Variants in KCNQ5 observed in about 807,000 individuals in gnomAD.
The protein encoded by KCNQ5 is potassium voltage-gated channel subfamily Q member 5.
KCNQ5 carries 30 observed loss-of-function variants against 98.2 expected under a neutral mutation model. The observed-to-expected ratio is 0.31, with a 90% CI of 0.23 to 0.41. KCNQ5 has a LOEUF of 0.41. Ranked by LOEUF, KCNQ5 falls within the 10% of genes least tolerant of loss-of-function variation. The pLI is 1.00. For missense variants in KCNQ5, 835 were observed against 1,182.5 expected (o/e 0.71, Z 4.31); for synonymous variants, 458 against 449.4 (o/e 1.02, Z -0.24).
chr6:72,793,218 T>A, intron 1 of KCNQ5, among the ~76,000 whole-genome samples: 1 of 152,246 alleles, frequency 6.6e-6, no homozygotes. Context: ...TTGCACAATC[T>A]TAATACTCAC....
At chr6:72,696,612 A>G (rs1471495089) in intron 1 of KCNQ5, among the ~76,000 whole-genome samples, 3 of 148,442 alleles carry the variant, frequency 2.0e-5, no homozygotes, top group Admixed American at 6.6e-5. Context: ...AGTGGGCCAC[A>G]ATCAAAGAAC....
chr6:72,874,243 T>C (rs1437461201), intron 1 of KCNQ5, among the ~76,000 whole-genome samples: 1 of 152,068 alleles, frequency 6.6e-6, no homozygotes, highest in Non-Finnish European at 1.5e-5. Flanking sequence ...AAATACATTA[T>C]GAATAATTTT....
intron 1 of KCNQ5, among the ~76,000 whole-genome samples, chr6:72,718,576 G>T: frequency 6.8e-6 from 1 of 146,268 alleles, no homozygotes; most frequent in African/African-American, 2.5e-5. Flanking sequence ...TCAGCCTCCC[G>T]AGTAGCTGGG....
chr6:72,817,481 C>T (rs961653608), intron 1 of KCNQ5, among the ~76,000 whole-genome samples: 2 of 152,170 alleles, frequency 1.3e-5, no homozygotes, highest in Non-Finnish European at 1.5e-5. Context: ...AATACTACTT[C>T]AGAAAAATGT....
At chr6:72,979,823 T>G (rs1307661133) in intron 1 of KCNQ5, among the ~76,000 whole-genome samples, 1 of 152,238 alleles carries the variant, frequency 6.6e-6, no homozygotes, top group Admixed American at 6.5e-5. Context: ...AACATTTAAG[T>G]CTTTGATCCA....
intron 3 of KCNQ5, among the ~76,000 whole-genome samples, chr6:73,054,835 C>A (rs976110404): frequency 6.6e-6 from 1 of 152,140 alleles, no homozygotes; most frequent in South Asian, 2.1e-4. Context: ...TACTGGAAGT[C>A]CTGGCCAGAG....
Position 72,849,802 on chromosome 6 carries a change from C to T in KCNQ5, c.399-154106C>T, listed in dbSNP as rs575050175. The stretch of plus-strand genomic sequence containing the variant: ...TGATCCTGTCAGGTCTTGATCCTAT[C>T]GGGTCTTGACTCTCTACTCATGAAT... On this transcript the variant is annotated intron_variant, in intron 1 of 13. Transcript: ENST00000370398. Among the ~76,000 whole-genome samples the T allele has an allele frequency of 3.9e-5, 6 of 152,214 alleles. No homozygotes were observed. In the Middle Eastern group the frequency reaches 0.01, roughly 259 times the overall value.
At chr6:72,777,796 T>G (rs137937815) in intron 1 of KCNQ5, among the ~76,000 whole-genome samples, 1 of 152,280 alleles carries the variant, frequency 6.6e-6, no homozygotes, top group African/African-American at 2.4e-5. Flanking sequence ...GTATACCCCA[T>G]AGAGGCCATC....
intron 1 of KCNQ5, among the ~76,000 whole-genome samples, chr6:72,727,803 G>C (rs528502110): frequency 1.3e-5 from 2 of 152,258 alleles, no homozygotes; most frequent in Admixed American, 1.3e-4. Flanking sequence ...TCAGTTGCAG[G>C]TTGGGTCTAG....
chr6:72,865,539 G>A (rs574083056), intron 1 of KCNQ5, among the ~76,000 whole-genome samples: 1 of 152,190 alleles, frequency 6.6e-6, no homozygotes, highest in African/African-American at 2.4e-5. Flanking sequence ...CTAATCCCTA[G>A]GATGAGCTCT....
intron 10 of KCNQ5, among the ~76,000 whole-genome samples, chr6:73,148,018 A>G (rs922809710): frequency 3.3e-5 from 5 of 152,136 alleles, no homozygotes; most frequent in African/African-American, 1.2e-4. Context: ...GATAGTATAT[A>G]TAACATATGC....
intron 1 of KCNQ5, among the ~76,000 whole-genome samples, chr6:72,956,027 G>A (rs1767027354): frequency 6.6e-6 from 1 of 152,144 alleles, no homozygotes; most frequent in African/African-American, 2.4e-5. Flanking sequence ...TGATATCACT[G>A]TTTAACAGAA....
intron 1 of KCNQ5, among the ~76,000 whole-genome samples, chr6:72,679,661 C>T (rs113414626): frequency 0.039 from 5,975 of 151,872 alleles, 133 homozygotes; most frequent in Middle Eastern, 0.13. Context: ...CAGCATGGCA[C>T]ATGTATACAC....
At chr6:72,848,231 A>G (rs1176845654) in intron 1 of KCNQ5, among the ~76,000 whole-genome samples, 1 of 151,966 alleles carries the variant, frequency 6.6e-6, no homozygotes, top group African/African-American at 2.4e-5. Flanking sequence ...ATACATGGGC[A>G]GAACATGCAG....
chr6:72,863,968 T>C (rs1581921115), intron 1 of KCNQ5, among the ~76,000 whole-genome samples: 1 of 152,204 alleles, frequency 6.6e-6, no homozygotes, highest in Non-Finnish European at 1.5e-5. Flanking sequence ...GCAGAGGCAG[T>C]TTGTACCTCA....
chr6:73,152,334 T>C (rs1253015670), intron 10 of KCNQ5, among the ~76,000 whole-genome samples: 4 of 152,150 alleles, frequency 2.6e-5, no homozygotes, highest in Admixed American at 2.6e-4. Context: ...TTCTTATCCT[T>C]CCTCTTTCAT....
intron 2 of KCNQ5, among the ~76,000 whole-genome samples, chr6:73,011,306 C>G (rs1168204943): frequency 6.6e-6 from 1 of 151,682 alleles, no homozygotes; most frequent in Non-Finnish European, 1.5e-5. Flanking sequence ...ACATTTAGAC[C>G]CATGGAATAG....
intron 1 of KCNQ5, among the ~76,000 whole-genome samples, chr6:72,868,651 G>A (rs1220591923): frequency 6.6e-6 from 1 of 152,200 alleles, no homozygotes; most frequent in Non-Finnish European, 1.5e-5. Context: ...AGGCAAAGGT[G>A]ACAGTCAGGT....
chr6:72,746,412 CTT>C (rs1771411126), intron 1 of KCNQ5, among the ~76,000 whole-genome samples: 1 of 152,136 alleles, frequency 6.6e-6, no homozygotes, highest in Non-Finnish European at 1.5e-5. Flanking sequence ...TAAACTTTTA[CTT>C]TCTTTCAGAA....
Sources: gnomAD v4.1 joint callset for allele counts (sites outside exome capture counted in the v4.1 genomes callset) on GRCh38, gnomAD v4.1.1 for gene constraint, MANE v1.5 for transcripts, NCBI Gene and HGNC (gene_info 2026-07-23, HGNC 2026-07-21) for gene names.